The following TANK variants were observed in gnomAD, a reference collection of about 807,000 sequenced individuals.
The protein encoded by TANK is TRAF family member-associated NF-kappa-B activator.
In TANK, 15 loss-of-function variants were observed where a neutral mutation model predicts 43.6. That is an observed-to-expected ratio of 0.34 (90% CI 0.23 to 0.53). TANK has a LOEUF of 0.53. Among genes scored for constraint, TANK ranks in the 20% least tolerant of loss-of-function variants. The pLI is 0.94. For missense variants in TANK, 417 were observed against 498.6 expected (o/e 0.84, Z 1.56); for synonymous variants, 162 against 178.2 (o/e 0.91, Z 0.73).
chr2:161,170,271 ATAGAG>A (rs1332750149), intron 1 of TANK, among the ~76,000 whole-genome samples: 1 of 152,234 alleles, frequency 6.6e-6, no homozygotes, highest in African/African-American at 2.4e-5. Context: ...AATGCCATTA[ATAGAG>A]AAAACATTTG....
chr2:161,200,840 T>G (rs2105339315), intron 2 of TANK, among the ~76,000 whole-genome samples: 1 of 151,620 alleles, frequency 6.6e-6, no homozygotes, highest in Non-Finnish European at 1.5e-5. Flanking sequence ...AGTAAAGGAA[T>G]AAAAGAATGG....
chr2:161,139,720 C>T (rs1249182570), intron 1 of TANK: 1 of 985,254 alleles, frequency 1.0e-6, no homozygotes, highest in East Asian at 1.1e-4. Flanking sequence ...CTTCATAATT[C>T]TGTTCCCAAC....
chr2:161,216,005 C>T (rs1167534038), intron 4 of TANK, among the ~76,000 whole-genome samples: 1 of 152,134 alleles, frequency 6.6e-6, no homozygotes, highest in Non-Finnish European at 1.5e-5. Flanking sequence ...GTCTCCCTCC[C>T]TGATAAGTCC....
chr2:161,169,960 C>A (rs1191763200), intron 1 of TANK, among the ~76,000 whole-genome samples: 2 of 152,144 alleles, frequency 1.3e-5, no homozygotes, highest in African/African-American at 4.8e-5. Flanking sequence ...TTTGTTCCGA[C>A]CCTAACCCCA....
chr2:161,168,685 T>C (rs1684806208), intron 1 of TANK, among the ~76,000 whole-genome samples: 1 of 152,088 alleles, frequency 6.6e-6, no homozygotes, highest in Admixed American at 6.5e-5. Flanking sequence ...ATACAAAAAT[T>C]AGCTGGGTGT....
At chr2:161,138,700 G>GC (rs763688694) in intron 1 of TANK, among the ~76,000 whole-genome samples, 1 of 152,296 alleles carries the variant, frequency 6.6e-6, no homozygotes, top group East Asian at 1.9e-4. Context: ...GGGACCTAGA[G>GC]CAATGTCTAG....
chr2:161,166,306 A>C (rs148497127), intron 1 of TANK, among the ~76,000 whole-genome samples: 2 of 152,364 alleles, frequency 1.3e-5, no homozygotes, highest in African/African-American at 4.8e-5. Flanking sequence ...GGGTATATTC[A>C]TGACCAAAGT....
rs1301447664 is a variant in TANK at position 161,231,020 on chromosome 2, A to G, written c.570A>G (p.Gln190=). The change falls in exon 7 of 8, where the codon CAA becomes CAG. Residue 190 remains glutamine (Q), a synonymous_variant. Transcript: ENST00000392749. ...AGTGTACGGATAAAACAGATAAACA[A>G]GAAGCGCTGTTTAAGCCTCAGGCTA... ...PIQCTDKTDK[Q]EALFKPQAKD... is the part of the protein sequence containing the mutation. 5.0e-6 allele frequency: 8 copies of G among 1,614,104 alleles called. No individual in the cohort carries two copies. Among genetic ancestry groups the G allele is most frequent in the Non-Finnish European group, 5.9e-6 (7 of 1,180,038 alleles).
At chr2:161,202,978 TG>T in intron 2 of TANK, 1 of 361,548 alleles carries the variant, frequency 2.8e-6, no homozygotes, top group South Asian at 2.2e-5. Context: ...GAGAAGTTTC[TG>T]GTCAGTATAA....
intron 1 of TANK, chr2:161,160,978 G>C (rs769388223): frequency 4.3e-5 from 19 of 446,002 alleles, no homozygotes; most frequent in Non-Finnish European, 7.2e-5. Context: ...CTGCCTTCCT[G>C]TGGGGTGTCA....
At position 161,229,304 on chromosome 2, in the gene TANK, A is replaced by G. The variant is rs1007407515; in HGVS notation, c.521-1667A>G. On this transcript the variant is annotated intron_variant, in intron 6 of 7. Coordinates refer to ENST00000392749, the MANE Select transcript of TANK (RefSeq NM_001199135.3). ...ATGGAGAGATGACCAGGGGCCAGTC[A>G]TGAACAGTCTAATAAGCCTTTTCTG... Among the ~76,000 whole-genome samples, 13 of 152,354 alleles carry G rather than the reference A, an allele frequency of 8.5e-5. No homozygotes were observed. In the South Asian group the frequency reaches 1.4e-3, roughly 17 times the overall value.
At chr2:161,181,595 G>C (rs1340974855) in intron 2 of TANK, among the ~76,000 whole-genome samples, 2 of 152,136 alleles carry the variant, frequency 1.3e-5, no homozygotes, top group African/African-American at 4.8e-5. Context: ...CTTCAAAGGT[G>C]GCAGGAGAGA....
intron 1 of TANK, among the ~76,000 whole-genome samples, chr2:161,164,848 CG>C (rs1276951106): frequency 5.3e-5 from 8 of 151,818 alleles, no homozygotes; most frequent in Non-Finnish European, 1.0e-4. Context: ...TTTAAAGGGA[CG>C]TATTTTTCTT....
intron 4 of TANK, among the ~76,000 whole-genome samples, chr2:161,210,411 C>T (rs1028805609): frequency 3.3e-5 from 5 of 152,212 alleles, no homozygotes; most frequent in African/African-American, 4.8e-5. Flanking sequence ...TAGACAACAT[C>T]TATCCCCTTT....
At position 161,233,019 on chromosome 2, in the gene TANK, CTATTT is replaced by C. The variant is rs968167903; in HGVS notation, c.1101+1473_1101+1477del. ...AGTTTTTTAAAAAAAACCTTTTAAG[CTATTT>C]TATTAGTATTAATAAAGCTAGTATT... On this transcript the variant is annotated intron_variant, in intron 7 of 7. Coordinates refer to ENST00000392749, the MANE Select transcript of TANK (RefSeq NM_001199135.3). 1.0e-5 allele frequency: 7 copies of C among 671,870 alleles called. No homozygotes were observed. In the African/African-American group the frequency reaches 1.3e-4, roughly 12 times the overall value. 41.6% of individuals were successfully genotyped at this position (671,870 alleles called of 1,614,324 possible).
chr2:161,207,411 A>T, intron 4 of TANK: 1 of 978,878 alleles, frequency 1.0e-6, no homozygotes, highest in African/African-American at 1.7e-5. Context: ...TCATCAACTC[A>T]ATTTTCTTTG....
intron 2 of TANK, chr2:161,197,283 T>C (rs1243210601): frequency 1.3e-5 from 2 of 152,280 alleles, no homozygotes; most frequent in Non-Finnish European, 1.5e-5. Flanking sequence ...TGTCTCTTTG[T>C]AAACTTCGAA....
Position 161,160,441 on chromosome 2 carries a change from C to T in TANK, c.-95C>T, listed in dbSNP as rs541354513. On this transcript the variant is annotated 5_prime_UTR_variant, in exon 1 of 8. Coordinates refer to ENST00000392749, the MANE Select transcript of TANK (RefSeq NM_001199135.3). ...CCGGTTGGAGTCACTCGGCCAGGCGCCGGCGACCTGAGGGGAGAGGGAACG... is the reference window on the plus strand; with the variant it reads ...CCGGTTGGAGTCACTCGGCCAGGCGTCGGCGACCTGAGGGGAGAGGGAACG... 8.1e-7 allele frequency: 1 copy of T among 1,239,340 alleles called. No individual in the cohort carries two copies. The highest frequency in any genetic ancestry group is 3.1e-5 in the East Asian group (1 of 31,942). 76.8% of individuals were successfully genotyped at this position (1,239,340 alleles called of 1,614,324 possible).
At chr2:161,199,708 G>A (rs1045578664) in intron 2 of TANK, among the ~76,000 whole-genome samples, 2 of 152,120 alleles carry the variant, frequency 1.3e-5, no homozygotes, top group African/African-American at 4.8e-5. Flanking sequence ...TTGATCACCA[G>A]TGTTTTAAGT....
Sources: gnomAD v4.1 joint callset for allele counts (sites outside exome capture counted in the v4.1 genomes callset) on GRCh38, gnomAD v4.1.1 for gene constraint, MANE v1.5 for transcripts, NCBI Gene and HGNC (gene_info 2026-07-23, HGNC 2026-07-21) for gene names.